The following DIP2C variants were observed in gnomAD, a reference collection of about 807,000 sequenced individuals.
DIP2C encodes the protein DIP2 acetate--CoA ligase C (putative).
A neutral mutation model predicts 192.4 loss-of-function variants in DIP2C; 33 were observed. That is an observed-to-expected ratio of 0.17 (90% CI 0.13 to 0.23). The LOEUF is 0.23. Among genes scored for constraint, DIP2C ranks in the 10% least tolerant of loss-of-function variants. The pLI is 1.00. For synonymous variants in DIP2C, 979 were observed against 864.1 expected, an observed-to-expected ratio of 1.13 and a Z score of -2.33; for missense variants, 1,537 against 2,110.1, an observed-to-expected ratio of 0.73 and a Z score of 5.32.
At chr10:633,974 T>C (rs1854682500) in intron 1 of DIP2C, among the ~76,000 whole-genome samples, 1 of 152,248 alleles carries the variant, frequency 6.6e-6, no homozygotes, top group Admixed American at 6.5e-5. Context: ...AAAGACTCTC[T>C]TTGGTGGCTT....
At chr10:342,841 T>TCC (rs552389240) in intron 28 of DIP2C, among the ~76,000 whole-genome samples, 141 of 152,144 alleles carry the variant, frequency 9.3e-4, no homozygotes, top group Non-Finnish European at 1.3e-3. Context: ...CCTGTAATAG[T>TCC]CCCCCTACAG....
At chr10:343,795 G>C (rs1391464885) in intron 28 of DIP2C, among the ~76,000 whole-genome samples, 1 of 152,200 alleles carries the variant, frequency 6.6e-6, no homozygotes, top group Admixed American at 6.5e-5. Flanking sequence ...CAGTTCTTCA[G>C]CTTAGCAAAT....
chr10:631,744 C>T (rs1325127723), intron 1 of DIP2C, among the ~76,000 whole-genome samples: 1 of 152,218 alleles, frequency 6.6e-6, no homozygotes, highest in Non-Finnish European at 1.5e-5. Context: ...CACCTTCAAA[C>T]ACATACTCTA....
At chr10:579,405 A>C (rs1260217883) in intron 1 of DIP2C, among the ~76,000 whole-genome samples, 2 of 151,998 alleles carry the variant, frequency 1.3e-5, no homozygotes, top group Non-Finnish European at 2.9e-5. Context: ...ACACATCCAG[A>C]TCCATATAGC....
At chr10:286,391 G>C in intron 33 of DIP2C, 44 bp from the exon 34 acceptor site, 1 of 1,559,804 alleles carries the variant, frequency 6.4e-7, no homozygotes, top group Admixed American at 1.7e-5. Context: ...GAGGAATACA[G>C]GGAGAGACTA....
chr10:583,984 G>A (rs997117811), intron 1 of DIP2C, among the ~76,000 whole-genome samples: 4 of 152,116 alleles, frequency 2.6e-5, no homozygotes, highest in African/African-American at 9.7e-5. Context: ...CGGGGGCCAG[G>A]GTGCTGGGTG....
intron 1 of DIP2C, among the ~76,000 whole-genome samples, chr10:609,296 A>C (rs1489513896): frequency 6.6e-6 from 1 of 152,246 alleles, no homozygotes; most frequent in Non-Finnish European, 1.5e-5. Context: ...GATGGAAATT[A>C]GGAAGAAATT....
At chr10:551,297 G>T (rs1286737221) in intron 1 of DIP2C, among the ~76,000 whole-genome samples, 1 of 152,046 alleles carries the variant, frequency 6.6e-6, no homozygotes, top group East Asian at 1.9e-4. Flanking sequence ...CCGCCATGGA[G>T]CCTGGCATAC....
intron 1 of DIP2C, among the ~76,000 whole-genome samples, chr10:598,174 C>G (rs1021803046): frequency 1.3e-5 from 2 of 152,186 alleles, no homozygotes; most frequent in African/African-American, 4.8e-5. Context: ...TGGAGCAGCA[C>G]TCACTGGGGG....
chr10:625,673 C>T (rs1045610148), intron 1 of DIP2C, among the ~76,000 whole-genome samples: 2 of 152,204 alleles, frequency 1.3e-5, no homozygotes, highest in East Asian at 1.9e-4. Flanking sequence ...GCTTCAATCA[C>T]GGCTGAAGCA....
rs1049588112 is a variant in DIP2C at position 344,791 on chromosome 10, C to T, written c.3453+18G>A. The T allele has an allele frequency of 1.3e-6, 2 of 1,567,076 alleles. No individual in the cohort carries two copies. Among genetic ancestry groups the T allele is most frequent in the Non-Finnish European group, 8.7e-7 (1 of 1,155,848 alleles). Reference sequence around the variant, plus strand: ...CGCAGTTGCCTCCATGGCCACCGCCCGCAGCCACCCCCCTCACCTTTACGC... The same window carrying T: ...CGCAGTTGCCTCCATGGCCACCGCCTGCAGCCACCCCCCTCACCTTTACGC... On this transcript the variant is annotated intron_variant, in intron 28 of 36. Coordinates refer to ENST00000280886, the MANE Select transcript of DIP2C (RefSeq NM_014974.3).
rs1226223573 is a variant in DIP2C at position 669,942 on chromosome 10, T to C, written c.85+19552A>G. Among the ~76,000 whole-genome samples, 3 of 152,252 alleles carry C rather than the reference T, an allele frequency of 2.0e-5. No individual in the cohort carries two copies. The East Asian group carries it at 5.8e-4, about 29-fold the overall frequency. ...TTAATATGACAATTTCCATTGTTTT[T>C]AGGGATTCCTGATATCGAATGTTCA... On this transcript the variant is annotated intron_variant, in intron 1 of 36. Transcript: ENST00000280886.
At chr10:426,378 TTCATGATTGTGAATTGGAAAAC>T (rs1966601559) in intron 4 of DIP2C, among the ~76,000 whole-genome samples, 1 of 152,186 alleles carries the variant, frequency 6.6e-6, no homozygotes, top group South Asian at 2.1e-4. Context: ...TGGAGATAGA[TTCATGATTGTGAATTGGAAAAC>T]TCAGTATTAT....
intron 9 of DIP2C, among the ~76,000 whole-genome samples, chr10:400,909 A>C (rs1438671535): frequency 6.9e-6 from 1 of 144,148 alleles, no homozygotes; most frequent in East Asian, 2.0e-4. Context: ...AGTTTGGTAC[A>C]TTTTCATCAG....
intron 4 of DIP2C, among the ~76,000 whole-genome samples, chr10:436,163 A>T (rs887511490): frequency 6.6e-6 from 1 of 152,162 alleles, no homozygotes; most frequent in Non-Finnish European, 1.5e-5. Flanking sequence ...AGTGACAGAG[A>T]TCATCTTGCA....
Position 647,567 on chromosome 10 carries a change from C to G in DIP2C, c.85+41927G>C, listed in dbSNP as rs568737538. Among the ~76,000 whole-genome samples, 648 of 149,996 alleles carry G rather than the reference C, an allele frequency of 4.3e-3. 3 individuals are homozygous for G. The highest frequency in any genetic ancestry group is 0.015 in the African/African-American group (595 of 40,532). ...AGAGAACAGAGGGAAACTGAGTCCA[C>G]GTCCACATTTGACGGTGGGAGAGAA... On this transcript the variant is annotated intron_variant, in intron 1 of 36. Coordinates refer to ENST00000280886, the MANE Select transcript of DIP2C (RefSeq NM_014974.3).
chr10:544,471 G>A (rs571571090), intron 1 of DIP2C, among the ~76,000 whole-genome samples: 11 of 152,300 alleles, frequency 7.2e-5, no homozygotes, highest in East Asian at 1.9e-4. Flanking sequence ...TTGCTGGGTC[G>A]TACAGTGATT....
In DIP2C at chr10:329,432, C is replaced by T; in HGVS notation, c.3753+1G>A. 6.2e-7 allele frequency: 1 copy of T among 1,612,432 alleles called. No individual in the cohort carries two copies. The highest frequency in any genetic ancestry group is 8.5e-7 in the Non-Finnish European group (1 of 1,179,162). Reference sequence around the variant, plus strand: ...ACTGAGCTGCCAAGGGAGCTGCTTACCTTGAGGGACTCTGTTTGCGAGCCC... The same window carrying T: ...ACTGAGCTGCCAAGGGAGCTGCTTATCTTGAGGGACTCTGTTTGCGAGCCC... On this transcript the variant is annotated splice_donor_variant, in intron 30 of 36. Coordinates refer to ENST00000280886, the MANE Select transcript of DIP2C (RefSeq NM_014974.3). LOFTEE classifies it high-confidence loss of function.
At chr10:436,829 A>G (rs376990669) in intron 4 of DIP2C, among the ~76,000 whole-genome samples, 195 of 105,766 alleles carry the variant, frequency 1.8e-3, no homozygotes, top group South Asian at 2.7e-3. Flanking sequence ...GATATGCTCC[A>G]CCCACACCTG....
Sources: gnomAD v4.1 joint callset for allele counts (sites outside exome capture counted in the v4.1 genomes callset) on GRCh38, gnomAD v4.1.1 for gene constraint, MANE v1.5 for transcripts, NCBI Gene and HGNC (gene_info 2026-07-23, HGNC 2026-07-21) for gene names.